Variants in KRT77 observed in about 807,000 individuals in gnomAD.
The protein encoded by KRT77 is keratin, type II cytoskeletal 1b.
A neutral mutation model predicts 51.5 loss-of-function variants in KRT77; 44 were observed. The observed-to-expected ratio is 0.85, with a 90% CI of 0.67 to 1.10. The LOEUF is 1.10. KRT77 is among the 50% of genes least tolerant of loss of function. The pLI, the probability that KRT77 is intolerant of heterozygous loss-of-function variation, is 0.00. For missense variants in KRT77, 763 were observed against 743.9 expected, an observed-to-expected ratio of 1.03 and a Z score of -0.30; for synonymous variants, 293 against 302.0, an observed-to-expected ratio of 0.97 and a Z score of 0.31.
At chr12:52,699,503 C>T (rs758602678) in intron 1 of KRT77, among the ~76,000 whole-genome samples, 65 of 152,252 alleles carry the variant, frequency 4.3e-4, no homozygotes, top group Non-Finnish European at 7.5e-4. Flanking sequence ...TTCCCCAAAA[C>T]ACTCCTGGTC....
intron 8 of KRT77, 76 bp downstream of exon 8, chr12:52,691,862 C>G (rs1283323516): frequency 6.4e-7 from 1 of 1,572,972 alleles, no homozygotes; most frequent in East Asian, 2.2e-5. Context: ...ACTTTCCGTT[C>G]TCTGCTGGCC....
chr12:52,690,164 G>A lies in KRT77; in HGVS notation c.*1001C>T, dbSNP rs1488151498. The A allele has an allele frequency of 1.3e-5, 2 of 152,316 alleles. No homozygotes were observed. Among genetic ancestry groups the A allele is most frequent in the African/African-American group, 4.8e-5 (2 of 41,446 alleles). The allele number at this position is 152,316 out of a possible 1,614,324, so 9.4% of individuals were successfully genotyped here. ...GGGCAATTCTCAGAGTGGTTATGAT[G>A]CAGAGCTTAGGAAGGGTCAGGCTTC... On this transcript the variant is annotated 3_prime_UTR_variant, in exon 9 of 9. Coordinates refer to ENST00000341809, the MANE Select transcript of KRT77 (RefSeq NM_175078.3).
At chr12:52,697,085 G>A (rs2121062774) in intron 2 of KRT77, among the ~76,000 whole-genome samples, 1 of 152,256 alleles carries the variant, frequency 6.6e-6, no homozygotes, top group Admixed American at 6.5e-5. Flanking sequence ...GACTGCTAGG[G>A]GTGTACAGCC....
intron 1 of KRT77, chr12:52,698,359 C>A: frequency 2.3e-6 from 1 of 437,006 alleles, no homozygotes; most frequent in Non-Finnish European, 4.6e-6. Context: ...CCTGAGCACA[C>A]TTGCTTGGGT....
intron 2 of KRT77, 69 bp downstream of exon 2, chr12:52,697,613 G>A (rs557350345): frequency 1.8e-5 from 18 of 999,468 alleles, no homozygotes; most frequent in East Asian, 1.2e-4. Flanking sequence ...CACTGAAGCC[G>A]AATGTCTTGC....
At chr12:52,692,154 T>TG (rs993246572) in intron 7 of KRT77, among the ~76,000 whole-genome samples, 182 bp from the exon 8 acceptor site, 4 of 152,198 alleles carry the variant, frequency 2.6e-5, no homozygotes, top group Non-Finnish European at 5.9e-5. Flanking sequence ...CTTTTAGCAT[T>TG]GGGGGTGAAT....
chr12:52,699,440 G>T (rs149287430), intron 1 of KRT77, among the ~76,000 whole-genome samples: 10 of 152,352 alleles, frequency 6.6e-5, no homozygotes, highest in African/African-American at 1.9e-4. Flanking sequence ...TGGATGCAGG[G>T]AGTGCCTTAA....
In KRT77 at chr12:52,691,398, C is replaced by T; in HGVS notation, c.1504G>A (p.Gly502Ser). The T allele has an allele frequency of 8.7e-6, 14 of 1,600,158 alleles. No individual in the cohort carries two copies. The highest frequency in any genetic ancestry group is 1.1e-5 in the Non-Finnish European group (13 of 1,176,972). Residue 502 changes from glycine (G) to serine (S), a missense_variant, in exon 9 of 9, where the codon GGC becomes AGC. Physicochemically the swap from Gly to Ser is moderately conservative, Grantham distance 56 (BLOSUM62 0). Transcript: ENST00000341809. ...CCTCCTGAGCCGTAGCTGCCGCCGC[C>T]TCCCGCGCCGCCGTTGACGCTCACC... ...SQVSVNGGAG[G>S]GGSYGSGGYG...
intron 5 of KRT77, 140 bp from the exon 6 acceptor site, chr12:52,693,020 C>CCA: frequency 1.1e-6 from 1 of 924,564 alleles, no homozygotes; most frequent in Non-Finnish European, 1.6e-6. Context: ...ATACTCACAG[C>CCA]TATACCAAAC....
At chr12:52,694,417 C>T (rs1941761439) in intron 5 of KRT77, among the ~76,000 whole-genome samples, 1 of 152,200 alleles carries the variant, frequency 6.6e-6, no homozygotes, top group Non-Finnish European at 1.5e-5. Context: ...CACTTTTCCA[C>T]TAGCCTAATA....
chr12:52,697,512 A>T (rs1057071726), intron 2 of KRT77, among the ~76,000 whole-genome samples, 170 bp downstream of exon 2: 2 of 152,062 alleles, frequency 1.3e-5, no homozygotes, highest in African/African-American at 4.8e-5. Context: ...TGCCAATATC[A>T]TTCTACCCGG....
At position 52,698,573 on chromosome 12, in the gene KRT77, G is replaced by A. The variant is rs568851205; in HGVS notation, c.544-677C>T. Among the ~76,000 whole-genome samples the A allele has an allele frequency of 3.3e-5, 5 of 152,338 alleles. No individual in the cohort carries two copies. In the South Asian group the frequency reaches 1.0e-3, roughly 32 times the overall value. On this transcript the variant is annotated intron_variant, in intron 1 of 8. Coordinates refer to ENST00000341809, the MANE Select transcript of KRT77 (RefSeq NM_175078.3). ...GAACTACCCACTTGCTATTTCCCGG[G>A]AAATGGAGAGTGGACATCACCCAAT...
At chr12:52,695,071 A>G (rs778825754) in intron 4 of KRT77, 1 of 233,162 alleles carries the variant, frequency 4.3e-6, no homozygotes, top group Non-Finnish European at 8.3e-6. Context: ...TGGCCACCAT[A>G]GTGAGCTGGG....
chr12:52,694,061 T>A (rs1180359942), intron 5 of KRT77, among the ~76,000 whole-genome samples: 2 of 149,630 alleles, frequency 1.3e-5, no homozygotes, highest in African/African-American at 2.5e-5. Flanking sequence ...GTAAAAAAAA[T>A]ATATTTTAAT....
At chr12:52,699,145 C>T (rs1013331857) in intron 1 of KRT77, among the ~76,000 whole-genome samples, 1 of 152,184 alleles carries the variant, frequency 6.6e-6, no homozygotes, top group Non-Finnish European at 1.5e-5. Flanking sequence ...CTCACAACAC[C>T]GTGAGAAATT....
At position 52,695,780 on chromosome 12, in the gene KRT77, A is replaced by G; in HGVS notation, c.907T>C (p.Phe303Leu). ...ATAAAGGCTTAACTCACCGTCAAAAATAAATATTTCAAGAAATTGACCTCC... is the reference window on the plus strand; with the variant it reads ...ATAAAGGCTTAACTCACCGTCAAAAGTAAATATTTCAAGAAATTGACCTCC... ...TGEVNFLKYL[F>L]LTELSQVQTH... The change falls in exon 4 of 9, where the codon TTT (phenylalanine) becomes CTT (leucine). Residue 303 changes from phenylalanine (F) to leucine (L), a missense_variant. Phe to Leu is a conservative substitution (Grantham distance 22). Transcript: ENST00000341809. The G allele has an allele frequency of 6.2e-7, 1 of 1,611,756 alleles. No individual in the cohort carries two copies. Among genetic ancestry groups the G allele is most frequent in the Non-Finnish European group, 8.5e-7 (1 of 1,177,798 alleles).
chr12:52,701,385 C>G (rs999392326), intron 1 of KRT77, among the ~76,000 whole-genome samples: 3 of 152,244 alleles, frequency 2.0e-5, no homozygotes, highest in Non-Finnish European at 2.9e-5. Flanking sequence ...TCTCACCCTC[C>G]TCCGCCCGCT....
intron 1 of KRT77, among the ~76,000 whole-genome samples, chr12:52,699,091 A>T (rs1294614689): frequency 6.6e-6 from 1 of 152,226 alleles, no homozygotes; most frequent in African/African-American, 2.4e-5. Context: ...ACCTTATCAA[A>T]GCAAGAGATT....
chr12:52,699,570 T>G (rs893867043), intron 1 of KRT77, among the ~76,000 whole-genome samples: 4 of 152,248 alleles, frequency 2.6e-5, no homozygotes, highest in African/African-American at 9.6e-5. Context: ...GAATGAGGCA[T>G]GCTGCTGAGC....
Sources: gnomAD v4.1 joint callset for allele counts (sites outside exome capture counted in the v4.1 genomes callset) on GRCh38, gnomAD v4.1.1 for gene constraint, MANE v1.5 for transcripts, NCBI Gene and HGNC (gene_info 2026-07-23, HGNC 2026-07-21) for gene names.